The following MPP2 variants were observed in gnomAD, a reference collection of about 807,000 sequenced individuals.
MPP2 encodes MAGUK p55 subfamily member 2.
In MPP2, 42 loss-of-function variants were observed where a neutral mutation model predicts 58.5. The ratio of observed to expected loss-of-function variants is 0.72; its 90% CI spans 0.56 to 0.93. The LOEUF (loss-of-function observed/expected upper bound fraction) is 0.93. MPP2 is among the 40% of genes least tolerant of loss of function. The pLI, the probability that MPP2 is intolerant of heterozygous loss-of-function variation, is 0.00. For missense variants in MPP2, 632 were observed against 760.4 expected, an observed-to-expected ratio of 0.83 and a Z score of 1.99; for synonymous variants, 300 against 307.8, an observed-to-expected ratio of 0.97 and a Z score of 0.26.
At position 43,879,681 on chromosome 17, in the gene MPP2, C is replaced by G; in HGVS notation, c.1353+101G>C. The G allele has an allele frequency of 7.4e-7, 1 of 1,347,786 alleles. No individual in the cohort carries two copies. The highest frequency in any genetic ancestry group is 1.0e-6 in the Non-Finnish European group (1 of 975,380). The allele number at this position is 1,347,786 out of a possible 1,614,324, so 83.5% of individuals were successfully genotyped here. A position where few individuals can be genotyped will look rare whatever the true frequency, so the allele number is the denominator to read the frequency against. On this transcript the variant is annotated intron_variant, in intron 11 of 12. Transcript: ENST00000269095. This position sits in a 1 kb window ranked among gnomAD's most constrained non-coding sequence, Gnocchi z 4.1. ...GCAGTAGTTGAGGGCAAAGGGGGTACATGGGCGTGTTCAGGTGACAGGTGT... is the reference window on the plus strand; with the variant it reads ...GCAGTAGTTGAGGGCAAAGGGGGTAGATGGGCGTGTTCAGGTGACAGGTGT...
chr17:43,886,514 C>T (rs1388197481), intron 3 of MPP2, among the ~76,000 whole-genome samples: 1 of 152,148 alleles, frequency 6.6e-6, no homozygotes, highest in Non-Finnish European at 1.5e-5. Flanking sequence ...TAATACTTTG[C>T]TATTGCAAAT....
rs770880739 is a variant in MPP2 at position 43,879,286 on chromosome 17, T to G, written c.1471A>C (p.Lys491Gln). Residue 491 changes from lysine to glutamine, a missense_variant, in exon 12 of 13, where the codon AAG becomes CAG. By Grantham distance (53) the Lys-to-Gln change is moderately conservative (BLOSUM62 1). Transcript: ENST00000269095. The surrounding 1 kb of genome is among the most constrained non-coding windows in gnomAD (Gnocchi z 4.1). Reference protein sequence around the residue: ...RAALESGISTKQLTEADLRRT... With the variant: ...RAALESGISTQQLTEADLRRT... ...CTCAGAGCCCTCACCGTGAGCTGCTTGGTGGATATTCCACTCTCCAGCGCA... is the reference window on the plus strand; with the variant it reads ...CTCAGAGCCCTCACCGTGAGCTGCTGGGTGGATATTCCACTCTCCAGCGCA... The G allele has an allele frequency of 6.2e-7, 1 of 1,612,616 alleles. No homozygotes were observed. The highest frequency in any genetic ancestry group is 1.1e-5 in the South Asian group (1 of 91,034).
intron 6 of MPP2, 43 bp from the exon 7 acceptor site, chr17:43,881,632 G>T (rs775576652): frequency 1.2e-6 from 2 of 1,601,178 alleles, no homozygotes; most frequent in Non-Finnish European, 1.7e-6. Flanking sequence ...AGGGTCAGCA[G>T]AAGGCTGCAG....
intron 3 of MPP2, among the ~76,000 whole-genome samples, chr17:43,884,683 T>C (rs1235626031): frequency 1.3e-5 from 2 of 152,372 alleles, no homozygotes; most frequent in East Asian, 1.9e-4. Flanking sequence ...TATGTGACTA[T>C]TCTGTTCCCC....
intron 3 of MPP2, among the ~76,000 whole-genome samples, chr17:43,897,540 C>A (rs1276955829): frequency 6.6e-6 from 1 of 152,150 alleles, no homozygotes; most frequent in Non-Finnish European, 1.5e-5. Flanking sequence ...GAAGGATGCC[C>A]AAGCACCCAC....
chr17:43,900,619 A>C, intron 2 of MPP2: 11 of 1,469,726 alleles, frequency 7.5e-6, no homozygotes, highest in Non-Finnish European at 9.0e-6. Context: ...TCCCCAGCCA[A>C]AGCCTGGCCG....
rs751037540 is a variant in MPP2, at chr17:43,881,230, G to A, written c.919+14C>T. On this transcript the variant is annotated intron_variant, in intron 8 of 12. Coordinates refer to ENST00000269095, the MANE Select transcript of MPP2 (RefSeq NM_005374.5). ...ATCCCAGATTGGAGGTGTGGGGTAGGGGGGACCTCCTACCTGAGTTTGGTG... is the reference window on the plus strand; with the variant it reads ...ATCCCAGATTGGAGGTGTGGGGTAGAGGGGACCTCCTACCTGAGTTTGGTG... 1 of 1,613,842 alleles carries A rather than the reference G, an allele frequency of 6.2e-7. No individual in the cohort carries two copies. The highest frequency in any genetic ancestry group is 1.1e-5 in the South Asian group (1 of 91,070).
intron 2 of MPP2, among the ~76,000 whole-genome samples, chr17:43,902,842 T>C (rs962489913): frequency 3.3e-5 from 5 of 152,190 alleles, no homozygotes; most frequent in Non-Finnish European, 7.3e-5. Flanking sequence ...AGAGGGCCTC[T>C]AGCACAGGGA....
At chr17:43,900,725 T>C in intron 2 of MPP2, 1 of 1,221,568 alleles carries the variant, frequency 8.2e-7, no homozygotes, top group Non-Finnish European at 1.1e-6. Flanking sequence ...GCTAAAGCCC[T>C]GACTGGCGCT....
upstream of MPP2, chr17:43,909,683 A>G (rs2048387445): frequency 1.7e-6 from 2 of 1,209,722 alleles, no homozygotes; most frequent in Non-Finnish European, 2.2e-6. Flanking sequence ...TCGGTCAACA[A>G]GTATCTCTCT....
intron 1 of MPP2, among the ~76,000 whole-genome samples, chr17:43,905,770 G>A (rs2030293903): frequency 6.6e-6 from 1 of 152,074 alleles, no homozygotes; most frequent in African/African-American, 2.4e-5. Context: ...CTTCCCAGAG[G>A]ACTAGTACCT....
intron 1 of MPP2, chr17:43,905,537 G>C (rs1484332522): frequency 3.3e-5 from 5 of 152,428 alleles, no homozygotes; most frequent in Non-Finnish European, 5.9e-5. Context: ...TCCCAGGAGA[G>C]GGCAGGGGGT....
chr17:43,906,243 G>A, intron 1 of MPP2: 1 of 663,482 alleles, frequency 1.5e-6, no homozygotes, highest in Non-Finnish European at 1.9e-6. Flanking sequence ...GTTTTCTCCC[G>A]GGGAATCGGT....
chr17:43,878,011 C>T (rs201224971), intron 12 of MPP2, 28 bp from the exon 13 acceptor site: 1 of 1,597,016 alleles, frequency 6.3e-7, no homozygotes, highest in African/African-American at 1.3e-5. Context: ...GACCTCCCTA[C>T]AGTCAGTGCC....
At chr17:43,894,712 T>C (rs1385867126) in intron 3 of MPP2, among the ~76,000 whole-genome samples, 2 of 149,266 alleles carry the variant, frequency 1.3e-5, no homozygotes, top group African/African-American at 2.5e-5. Flanking sequence ...GCTGAGAGGA[T>C]TACTTGAGGC....
At chr17:43,878,665 G>C (rs541247592) in intron 12 of MPP2, among the ~76,000 whole-genome samples, 1 of 152,316 alleles carries the variant, frequency 6.6e-6, no homozygotes, top group South Asian at 2.1e-4. Flanking sequence ...CTGGGCCCCA[G>C]GCACGCTCTG....
chr17:43,882,860 C>T, intron 5 of MPP2, 43 bp downstream of exon 5: 1 of 1,611,390 alleles, frequency 6.2e-7, no homozygotes, highest in Non-Finnish European at 8.5e-7. Context: ...TCTCAATCCC[C>T]CCACCCTCAC....
intron 2 of MPP2, chr17:43,900,610 C>A: frequency 6.7e-7 from 1 of 1,489,118 alleles, no homozygotes; most frequent in Non-Finnish European, 9.0e-7. Flanking sequence ...TCTACCGCCT[C>A]CCCAGCCAAA....
chr17:43,885,197 T>G (rs2047316700), intron 3 of MPP2, among the ~76,000 whole-genome samples: 1 of 152,010 alleles, frequency 6.6e-6, no homozygotes, highest in African/African-American at 2.4e-5. Context: ...CTTCTCTCTC[T>G]CATGATATCA....
Sources: allele counts gnomAD v4.1 joint callset (sites outside exome capture counted in the v4.1 genomes callset), GRCh38; gene constraint gnomAD v4.1.1; non-coding constraint Gnocchi (gnomAD v3.1); transcripts MANE v1.5; gene names NCBI Gene and HGNC (gene_info 2026-07-23, HGNC 2026-07-21).